Variants in OSBPL1A observed in about 807,000 individuals in gnomAD.
OSBPL1A encodes oxysterol-binding protein-related protein 1.
Under a neutral mutation model 137.1 loss-of-function variants are expected in OSBPL1A, and 80 were observed. The observed-to-expected ratio is 0.58, with a 90% CI of 0.49 to 0.70. OSBPL1A has a LOEUF of 0.70. OSBPL1A is among the 30% of genes least tolerant of loss of function. The probability of loss-of-function intolerance (pLI) is 0.00; values close to 1 mark genes in which losing one functional copy is unlikely to be tolerated. For synonymous variants in OSBPL1A, 365 were observed against 389.7 expected (o/e 0.94, Z 0.75); for missense variants, 970 against 1,129.4 (o/e 0.86, Z 2.02).
chr18:24,271,816 C>CG lies in OSBPL1A; in HGVS notation c.1281+9025dup, dbSNP rs1269637329. On this transcript the variant is annotated intron_variant, in intron 15 of 27. Transcript: ENST00000319481. The surrounding 1 kb of genome is among the most constrained non-coding windows in gnomAD (Gnocchi z 4.0). ...TGCGCAGCCTGCCCCTGGCTCCGGC[C>CG]GGGCAGCAGCGCCAGCCTTCCCCAG... 12 of 985,372 alleles carry CG rather than the reference C, an allele frequency of 1.2e-5. No homozygotes were observed. In the East Asian group the frequency reaches 1.2e-3, roughly 103 times the overall value. 61.0% of individuals were successfully genotyped at this position (985,372 alleles called of 1,614,324 possible). A position where few individuals can be genotyped will look rare whatever the true frequency, so the allele number is the denominator to read the frequency against.
chr18:24,194,963 A>G (rs2086983630), intron 18 of OSBPL1A, among the ~76,000 whole-genome samples: 1 of 152,218 alleles, frequency 6.6e-6, no homozygotes, highest in Non-Finnish European at 1.5e-5. Flanking sequence ...ACATTTAGGA[A>G]GTTTCAGATT....
chr18:24,308,520 T>G (rs1287231488), intron 13 of OSBPL1A, among the ~76,000 whole-genome samples: 1 of 149,136 alleles, frequency 6.7e-6, no homozygotes, highest in Non-Finnish European at 1.5e-5. Context: ...ATGCCTGGCC[T>G]GCTCATCACT....
At chr18:24,391,695 C>T (rs1200792413) in intron 1 of OSBPL1A, among the ~76,000 whole-genome samples, 1 of 152,048 alleles carries the variant, frequency 6.6e-6, no homozygotes, top group Non-Finnish European at 1.5e-5. Flanking sequence ...TGCCACTGCA[C>T]TCCAGCTCTG....
chr18:24,318,516 T>A (rs1469763205), intron 9 of OSBPL1A, 85 bp downstream of exon 9: 1 of 1,166,550 alleles, frequency 8.6e-7, no homozygotes, highest in African/African-American at 1.6e-5. Flanking sequence ...ACTTCAGAAA[T>A]GATTTTTTAA....
At chr18:24,290,338 G>A (rs2146085856) in intron 14 of OSBPL1A, among the ~76,000 whole-genome samples, 1 of 152,320 alleles carries the variant, frequency 6.6e-6, no homozygotes, top group East Asian at 1.9e-4. Flanking sequence ...CTGGTAGGAA[G>A]GTCAAGGATA....
rs746751013 is a variant in OSBPL1A, at chr18:24,311,948, A to G, written c.1092+36T>C. On this transcript the variant is annotated intron_variant, in intron 13 of 27. Coordinates refer to ENST00000319481, the MANE Select transcript of OSBPL1A (RefSeq NM_080597.4). ...TTCTTGATTAAACCTCATGACATAG[A>G]TAGCTATAAAGGTCAGGTTACATTT... The G allele has an allele frequency of 6.2e-6, 10 of 1,611,310 alleles. No homozygotes were observed. In the African/African-American group the frequency reaches 1.1e-4, roughly 17 times the overall value.
At chr18:24,356,484 G>A (rs1009164745) in intron 4 of OSBPL1A, among the ~76,000 whole-genome samples, 22 of 152,198 alleles carry the variant, frequency 1.4e-4, no homozygotes, top group Non-Finnish European at 5.9e-5. Context: ...TAGAAAGGGG[G>A]CATGCATGGG....
At chr18:24,171,361 C>G in intron 23 of OSBPL1A, 48 bp downstream of exon 23, 1 of 1,387,892 alleles carries the variant, frequency 7.2e-7, no homozygotes, top group Non-Finnish European at 1.0e-6. Context: ...GACATTTTAT[C>G]TAGTGAACAA....
At chr18:24,308,802 G>A (rs912109951) in intron 13 of OSBPL1A, among the ~76,000 whole-genome samples, 6 of 151,340 alleles carry the variant, frequency 4.0e-5, no homozygotes, top group South Asian at 2.1e-4. Flanking sequence ...TCACTCTTTC[G>A]CCCAGACTGG....
At chr18:24,194,568 A>C (rs1463486657) in intron 18 of OSBPL1A, among the ~76,000 whole-genome samples, 3 of 152,316 alleles carry the variant, frequency 2.0e-5, no homozygotes, top group Non-Finnish European at 2.9e-5. Context: ...GTCTATATAC[A>C]TTTGCTTTGT....
intron 17 of OSBPL1A, among the ~76,000 whole-genome samples, chr18:24,222,602 A>G (rs957502225): frequency 6.6e-6 from 1 of 152,216 alleles, no homozygotes; most frequent in Non-Finnish European, 1.5e-5. Context: ...TATTTTCTGG[A>G]AAAAAAGTAC....
rs1361931205 is a variant in OSBPL1A, at chr18:24,175,102, GTGTA to G, written c.2094-2623_2094-2620del. ...CTGACTTCATGTGCTTATTTGCCAT[GTGTA>G]TGTATATATATATATATATATATAT... On this transcript the variant is annotated intron_variant, in intron 21 of 27. Transcript: ENST00000319481. Among the ~76,000 whole-genome samples, 539 of 83,596 alleles carry G rather than the reference GTGTA, an allele frequency of 6.4e-3. 43 individuals are homozygous for G. The highest frequency in any genetic ancestry group is 0.034 in the African/African-American group (459 of 13,484). 54.8% of individuals were successfully genotyped at this position (83,596 alleles called of 152,430 possible).
At chr18:24,270,070 G>A (rs192478497) in intron 15 of OSBPL1A, among the ~76,000 whole-genome samples, 4 of 152,220 alleles carry the variant, frequency 2.6e-5, no homozygotes, top group Admixed American at 2.0e-4. Context: ...AGGAATATAT[G>A]TTGAATAATG....
intron 16 of OSBPL1A, among the ~76,000 whole-genome samples, chr18:24,238,441 C>G (rs2088569677): frequency 6.6e-6 from 1 of 152,200 alleles, no homozygotes; most frequent in African/African-American, 2.4e-5. Flanking sequence ...AACTACTTAG[C>G]AGTACCTCCT....
intron 15 of OSBPL1A, among the ~76,000 whole-genome samples, chr18:24,263,486 T>C (rs1270279191): frequency 2.0e-5 from 3 of 152,200 alleles, no homozygotes; most frequent in Non-Finnish European, 2.9e-5. Flanking sequence ...GGATGACTCA[T>C]ATTAACACAC....
intron 24 of OSBPL1A, among the ~76,000 whole-genome samples, chr18:24,169,552 C>T (rs868252892): frequency 6.6e-6 from 1 of 152,172 alleles, no homozygotes; most frequent in Non-Finnish European, 1.5e-5. Context: ...TTATAGTGCC[C>T]GTGTTACAAA....
At chr18:24,376,201 C>T (rs1599731016) in intron 2 of OSBPL1A, among the ~76,000 whole-genome samples, 1 of 152,160 alleles carries the variant, frequency 6.6e-6, no homozygotes, top group Middle Eastern at 3.4e-3. Context: ...CTGGTAGAGC[C>T]GAGTGGTCTG....
intron 2 of OSBPL1A, among the ~76,000 whole-genome samples, chr18:24,369,521 C>T (rs563999379): frequency 1.3e-5 from 2 of 152,186 alleles, no homozygotes; most frequent in Admixed American, 6.5e-5. Flanking sequence ...GATGGTTTCA[C>T]AGCTACTGTA....
intron 21 of OSBPL1A, among the ~76,000 whole-genome samples, chr18:24,175,121 T>TACGTATATATAC (rs1469022633): frequency 4.7e-5 from 6 of 128,968 alleles, no homozygotes; most frequent in African/African-American, 2.1e-4. Context: ...TATATATATA[T>TACGTATATATAC]ATATATATAT....
Sources: gnomAD v4.1 joint callset for allele counts (sites outside exome capture counted in the v4.1 genomes callset) on GRCh38, gnomAD v4.1.1 for gene constraint, Gnocchi (gnomAD v3.1) non-coding constraint, MANE v1.5 for transcripts, NCBI Gene and HGNC (gene_info 2026-07-23, HGNC 2026-07-21) for gene names.